Variants in SH3RF3 observed in about 807,000 individuals in gnomAD.
The protein encoded by SH3RF3 is SH3 domain containing ring finger 3, also known as E3 ubiquitin-protein ligase SH3RF3.
A neutral mutation model predicts 66.3 loss-of-function variants in SH3RF3; 29 were observed. The observed-to-expected ratio is 0.44, with a 90% CI of 0.33 to 0.60. The LOEUF is 0.60. Ranked by LOEUF, SH3RF3 falls within the 20% of genes least tolerant of loss-of-function variation. The pLI, the probability that SH3RF3 is intolerant of heterozygous loss-of-function variation, is 0.04. For synonymous variants in SH3RF3, 583 were observed against 532.0 expected (o/e 1.10, Z -1.32); for missense variants, 1,194 against 1,190.9 (o/e 1.00, Z -0.04).
intron 1 of SH3RF3, among the ~76,000 whole-genome samples, chr2:109,279,735 G>A (rs1243899462): frequency 1.5e-5 from 2 of 135,852 alleles, no homozygotes; most frequent in East Asian, 2.4e-4. Context: ...AATTCAGTAC[G>A]CTTGGGAGCA....
chr2:109,134,167 G>T (rs1676765299), intron 1 of SH3RF3, among the ~76,000 whole-genome samples: 1 of 152,158 alleles, frequency 6.6e-6, no homozygotes, highest in Admixed American at 6.5e-5. Context: ...CAAGTGGCTG[G>T]TATAATTATT....
intron 2 of SH3RF3, among the ~76,000 whole-genome samples, chr2:109,357,759 G>A (rs966235968): frequency 1.3e-5 from 2 of 152,178 alleles, no homozygotes; most frequent in African/African-American, 4.8e-5. Flanking sequence ...TTAAAAAATA[G>A]GTGTTATATT....
At chr2:109,415,794 C>G (rs1378394432) in intron 4 of SH3RF3, among the ~76,000 whole-genome samples, 1 of 152,208 alleles carries the variant, frequency 6.6e-6, no homozygotes, top group Non-Finnish European at 1.5e-5. Flanking sequence ...CACCACCCAC[C>G]CTCACCACCT....
At chr2:109,388,965 C>G (rs765718522) in intron 3 of SH3RF3, among the ~76,000 whole-genome samples, 16 of 152,164 alleles carry the variant, frequency 1.1e-4, no homozygotes, top group Non-Finnish European at 1.5e-4. Flanking sequence ...GCAGCCACCA[C>G]GATAGTCTGG....
At chr2:109,133,205 A>T (rs1302329568) in intron 1 of SH3RF3, among the ~76,000 whole-genome samples, 1 of 152,230 alleles carries the variant, frequency 6.6e-6, no homozygotes, top group Admixed American at 6.5e-5. Flanking sequence ...CACAAATTAA[A>T]GAATTCTAGA....
At chr2:109,173,959 G>A (rs999337589) in intron 1 of SH3RF3, among the ~76,000 whole-genome samples, 3 of 152,262 alleles carry the variant, frequency 2.0e-5, no homozygotes, top group Non-Finnish European at 4.4e-5. Context: ...TCGGGTTCAG[G>A]CTGTGGGCAC....
intron 1 of SH3RF3, among the ~76,000 whole-genome samples, chr2:109,343,032 C>T (rs182121459): frequency 2.6e-5 from 4 of 152,192 alleles, no homozygotes; most frequent in South Asian, 2.1e-4. Flanking sequence ...GGGAGCACGC[C>T]GCAGTGTGAG....
intron 2 of SH3RF3, among the ~76,000 whole-genome samples, chr2:109,367,119 ATT>A (rs150005222): frequency 0.047 from 5,373 of 113,248 alleles, 297 homozygotes; most frequent in African/African-American, 0.15. Flanking sequence ...TGCCCTGGTA[ATT>A]TTTTTTTTTT....
chr2:109,487,297 A>C (rs1166659362), intron 8 of SH3RF3, among the ~76,000 whole-genome samples: 1 of 152,164 alleles, frequency 6.6e-6, no homozygotes, highest in African/African-American at 2.4e-5. Flanking sequence ...GTACATGCCA[A>C]CTGTCCATTG....
At chr2:109,339,884 C>T (rs1574583116) in intron 1 of SH3RF3, among the ~76,000 whole-genome samples, 2 of 152,140 alleles carry the variant, frequency 1.3e-5, no homozygotes, top group Admixed American at 6.5e-5. Context: ...CATAATTAAA[C>T]AGATAATTAT....
intron 3 of SH3RF3, among the ~76,000 whole-genome samples, chr2:109,387,167 G>C (rs558851228): frequency 3.3e-5 from 5 of 152,190 alleles, no homozygotes; most frequent in Non-Finnish European, 2.9e-5. Context: ...CATATATTTT[G>C]GACAAATTTG....
At chr2:109,201,426 ATCCAGGTATC>A (rs1370916268) in intron 1 of SH3RF3, among the ~76,000 whole-genome samples, 1 of 151,950 alleles carries the variant, frequency 6.6e-6, no homozygotes, top group Non-Finnish European at 1.5e-5. Context: ...CCAGGCACAC[ATCCAGGTATC>A]TCAGCCGCCA....
intron 8 of SH3RF3, among the ~76,000 whole-genome samples, chr2:109,480,502 A>G (rs1573287338): frequency 6.6e-6 from 1 of 152,178 alleles, no homozygotes; most frequent in Non-Finnish European, 1.5e-5. Flanking sequence ...TGCCAAGGTC[A>G]TAGGGAGGTG....
chr2:109,190,288 C>T (rs894016363), intron 1 of SH3RF3, among the ~76,000 whole-genome samples: 1 of 152,196 alleles, frequency 6.6e-6, no homozygotes, highest in Non-Finnish European at 1.5e-5. Context: ...ATTCTTCTGC[C>T]TCAACCTCCT....
At chr2:109,470,317 AT>A (rs1055616036) in intron 8 of SH3RF3, among the ~76,000 whole-genome samples, 1 of 152,126 alleles carries the variant, frequency 6.6e-6, no homozygotes, top group Non-Finnish European at 1.5e-5. Flanking sequence ...CCATGCTTGC[AT>A]TTCGGGTAGA....
Position 109,471,227 on chromosome 2 carries a change from A to G in SH3RF3, c.2149-19378A>G, listed in dbSNP as rs992646895. Among the ~76,000 whole-genome samples the G allele has an allele frequency of 2.8e-4, 42 of 151,772 alleles. No individual in the cohort carries two copies. In the South Asian group the frequency reaches 7.3e-3, roughly 26 times the overall value. Reference sequence around the variant, plus strand: ...GTCTCAAAAAAAAAAAAAAAAAAAAAAAAAGAAATTAATACCTGAGACTGA... The same window carrying G: ...GTCTCAAAAAAAAAAAAAAAAAAAAGAAAAGAAATTAATACCTGAGACTGA... On this transcript the variant is annotated intron_variant, in intron 8 of 9. Coordinates refer to ENST00000309415, the MANE Select transcript of SH3RF3 (RefSeq NM_001099289.3).
At chr2:109,445,817 T>A (rs1227237110) in intron 7 of SH3RF3, among the ~76,000 whole-genome samples, 4 of 152,112 alleles carry the variant, frequency 2.6e-5, no homozygotes, top group Non-Finnish European at 4.4e-5. Context: ...GCGATACCCC[T>A]GAAAATAAGG....
At chr2:109,486,503 G>A (rs1271943255) in intron 8 of SH3RF3, among the ~76,000 whole-genome samples, 1 of 152,190 alleles carries the variant, frequency 6.6e-6, no homozygotes, top group African/African-American at 2.4e-5. Context: ...TCAGAGATGA[G>A]TAAACACATT....
At chr2:109,180,960 A>G (rs2104983310) in intron 1 of SH3RF3, among the ~76,000 whole-genome samples, 1 of 152,262 alleles carries the variant, frequency 6.6e-6, no homozygotes, top group Admixed American at 6.5e-5. Flanking sequence ...CAATATGTTT[A>G]CCCTGATGCA....
Sources: gnomAD v4.1 joint callset for allele counts (sites outside exome capture counted in the v4.1 genomes callset) on GRCh38, gnomAD v4.1.1 for gene constraint, MANE v1.5 for transcripts, NCBI Gene and HGNC (gene_info 2026-07-23, HGNC 2026-07-21) for gene names.